The following SPIDR variants were observed in gnomAD, a reference collection of about 807,000 sequenced individuals.
The protein encoded by SPIDR is DNA repair-scaffolding protein.
SPIDR carries 93 observed loss-of-function variants against 104.6 expected under a neutral mutation model. The ratio of observed to expected loss-of-function variants is 0.89; its 90% CI spans 0.75 to 1.06. SPIDR has a LOEUF of 1.06. SPIDR is among the 50% of genes least tolerant of loss of function. The pLI is 0.00. For synonymous variants in SPIDR, 431 were observed against 416.9 expected (o/e 1.03, Z -0.41); for missense variants, 1,154 against 1,111.2 (o/e 1.04, Z -0.55).
chr8:47,396,534 A>G lies in SPIDR; in HGVS notation c.684A>G (p.Thr228=), dbSNP rs782601266. ...TGGAGAGACTGATAGATCCAAGGACAAAATCAACAGAGACCATTTTGCATA... is the reference window on the plus strand; with the variant it reads ...TGGAGAGACTGATAGATCCAAGGACGAAATCAACAGAGACCATTTTGCATA... The part of the protein sequence containing the change: ...QIMERLIDPR[T]KSTETILHTP... The change falls in exon 6 of 20, where the codon ACA becomes ACG. Residue 228 remains threonine, a synonymous_variant. Transcript: ENST00000297423. 6.2e-7 allele frequency: 1 copy of G among 1,614,204 alleles called. No individual in the cohort carries two copies. Among genetic ancestry groups the G allele is most frequent in the Non-Finnish European group, 8.5e-7 (1 of 1,180,028 alleles).
rs896421262 is a variant in SPIDR, at chr8:47,466,368, T to A, written c.1097+25826T>A. On this transcript the variant is annotated intron_variant, in intron 8 of 19. Coordinates refer to ENST00000297423, the MANE Select transcript of SPIDR (RefSeq NM_001080394.4). ...AAATTAGAAATCAGGGCTAAGAAAT[T>A]TGATCAAAACCGTACAATTACATGG... Among the ~76,000 whole-genome samples the A allele has an allele frequency of 8.5e-5, 13 of 152,328 alleles. 1 individual carries two copies. In the South Asian group the frequency reaches 2.7e-3, roughly 32 times the overall value.
At chr8:47,627,892 A>G (rs981896656) in intron 10 of SPIDR, among the ~76,000 whole-genome samples, 3 of 152,140 alleles carry the variant, frequency 2.0e-5, no homozygotes, top group African/African-American at 7.2e-5. Flanking sequence ...ATAGCAGCGG[A>G]CCAGCTGGAA....
intron 8 of SPIDR, among the ~76,000 whole-genome samples, chr8:47,552,257 G>C (rs1023274499): frequency 6.6e-6 from 1 of 152,168 alleles, no homozygotes. Flanking sequence ...GTTGATTTTG[G>C]GTGGAGAGTT....
intron 5 of SPIDR, among the ~76,000 whole-genome samples, chr8:47,295,355 G>C (rs2040654619): frequency 6.6e-6 from 1 of 152,002 alleles, no homozygotes; most frequent in African/African-American, 2.4e-5. Flanking sequence ...AAAATACAAT[G>C]CACTATTATT....
At position 47,599,161 on chromosome 8, in the gene SPIDR, G is replaced by A. The variant is rs2061965969; in HGVS notation, c.1509G>A (p.Gly503=). The change falls in exon 10 of 20, where the codon GGG becomes GGA. Residue 503 remains glycine, a synonymous_variant. Transcript: ENST00000297423. ...PSRDSTRGQQ[G]ASSGHTDPAG... is the part of the protein sequence containing the mutation. ...GAGACAGCACCAGGGGTCAGCAGGG[G>A]GCCAGCTCAGGACACACAGACCCAG... 3 of 1,613,692 alleles carry A rather than the reference G, an allele frequency of 1.9e-6. No individual in the cohort carries two copies. The highest frequency in any genetic ancestry group is 2.5e-6 in the Non-Finnish European group (3 of 1,179,914).
chr8:47,447,819 A>G lies in SPIDR; in HGVS notation c.1097+7277A>G, dbSNP rs79979732. On this transcript the variant is annotated intron_variant, in intron 8 of 19. Transcript: ENST00000297423. ...CCCCAATCAGTCAGTAGCAATCACC[A>G]TCAAGGCAAGACCCTCTCTCAGCAA... Among the ~76,000 whole-genome samples the G allele has an allele frequency of 4.8e-3, 724 of 152,304 alleles. 5 individuals are homozygous for G. Among genetic ancestry groups the G allele is most frequent in the African/African-American group, 0.017 (687 of 41,554 alleles).
At chr8:47,524,006 G>A (rs986919916) in intron 8 of SPIDR, among the ~76,000 whole-genome samples, 4 of 152,174 alleles carry the variant, frequency 2.6e-5, no homozygotes, top group African/African-American at 9.7e-5. Context: ...GATACCTGGT[G>A]TGGTAGCTTC....
chr8:47,727,414 T>C (rs10087517), intron 17 of SPIDR, 121 bp downstream of exon 17: 19,001 of 821,434 alleles, frequency 0.023, 943 homozygotes, highest in African/African-American at 0.15. Flanking sequence ...GGGCAACCTC[T>C]GCCTCTGCTG....
At chr8:47,594,366 CA>C (rs1166162073) in intron 8 of SPIDR, among the ~76,000 whole-genome samples, 1 of 150,988 alleles carries the variant, frequency 6.6e-6, no homozygotes, top group Non-Finnish European at 1.5e-5. Flanking sequence ...GACTCCATCT[CA>C]AAAAAAAGAA....
At position 47,658,679 on chromosome 8, in the gene SPIDR, A is replaced by C. The variant is rs1316985146; in HGVS notation, c.1545-15122A>C. 3.9e-5 allele frequency among the ~76,000 whole-genome samples: 6 copies of C among 151,998 alleles called. 1 individual carries two copies. Among genetic ancestry groups the C allele is most frequent in the Admixed American group, 1.3e-4 (2 of 15,260 alleles). On this transcript the variant is annotated intron_variant, in intron 10 of 19. Coordinates refer to ENST00000297423, the MANE Select transcript of SPIDR (RefSeq NM_001080394.4). ...GCCAGACTTGGTGGCTCACGCCTGT[A>C]ATCCCAGCACTTTGGGAGGTCGAGG...
chr8:47,369,662 T>G (rs1587811623), intron 5 of SPIDR, among the ~76,000 whole-genome samples: 1 of 152,312 alleles, frequency 6.6e-6, no homozygotes. Context: ...GCCCAAATGT[T>G]TCTTGGTTGC....
rs369300463 is a variant in SPIDR at position 47,690,272 on chromosome 8, TG to T, written c.1686-10123del. On this transcript the variant is annotated intron_variant, in intron 11 of 19. Coordinates refer to ENST00000297423, the MANE Select transcript of SPIDR (RefSeq NM_001080394.4). The stretch of plus-strand genomic sequence containing the variant: ...TTTCCTGTGAAGTTGAGAGAGTGTG[TG>T]GGGGGGGTGAGGGGTGCGCGTGCAC... Among the ~76,000 whole-genome samples the T allele has an allele frequency of 8.1e-3, 1,202 of 148,282 alleles. 9 individuals are homozygous for T. The highest frequency in any genetic ancestry group is 0.017 in the African/African-American group (658 of 39,610).
intron 5 of SPIDR, among the ~76,000 whole-genome samples, chr8:47,303,309 G>A (rs1793326909): frequency 6.6e-6 from 1 of 152,224 alleles, no homozygotes; most frequent in Admixed American, 6.5e-5. Flanking sequence ...CAGTATTAGG[G>A]TTGGAGTGAC....
At chr8:47,678,532 G>A (rs990145725) in intron 11 of SPIDR, among the ~76,000 whole-genome samples, 1 of 152,216 alleles carries the variant, frequency 6.6e-6, no homozygotes, top group African/African-American at 2.4e-5. Flanking sequence ...CAGAAGGATA[G>A]CTGGTGATGC....
intron 12 of SPIDR, among the ~76,000 whole-genome samples, chr8:47,701,112 G>C (rs11998024): frequency 0.02 from 3,059 of 152,282 alleles, 98 homozygotes; most frequent in African/African-American, 0.069. Context: ...GTAGTGCTAA[G>C]TCTGTGACCC....
At chr8:47,464,757 T>C (rs1554715982) in intron 8 of SPIDR, among the ~76,000 whole-genome samples, 1 of 151,990 alleles carries the variant, frequency 6.6e-6, no homozygotes, top group African/African-American at 2.4e-5. Context: ...TCATTTTTCT[T>C]TTGTTTTTTT....
rs528185730 is a variant in SPIDR at position 47,342,078 on chromosome 8, TAAAG to T, written c.525+48051_525+48054del. ...GAAATTGTGTATTTAAGGAAACTGT[TAAAG>T]AAGTCTAACTATTTGTACTAAGATT... On this transcript the variant is annotated intron_variant, in intron 5 of 19. Transcript: ENST00000297423. Among the ~76,000 whole-genome samples the T allele has an allele frequency of 7.9e-5, 12 of 152,306 alleles. No homozygotes were observed. The South Asian group carries it at 2.1e-3, about 26-fold the overall frequency.
chr8:47,605,291 A>G (rs918143366), intron 10 of SPIDR, among the ~76,000 whole-genome samples: 7 of 152,186 alleles, frequency 4.6e-5, no homozygotes, highest in African/African-American at 1.7e-4. Flanking sequence ...TAAAGTGAGC[A>G]CTGAAAATCT....
rs372590648 is a variant in SPIDR at position 47,684,460 on chromosome 8, T to G, written c.1685+10519T>G. Among the ~76,000 whole-genome samples the G allele has an allele frequency of 3.8e-3, 572 of 152,302 alleles. 9 individuals carry two copies. The highest frequency in any genetic ancestry group is 0.013 in the African/African-American group (541 of 41,574). The stretch of plus-strand genomic sequence containing the variant: ...CTGATTCACAGCTCTGGCTTTAGAA[T>G]CCATATGTCTTGGTTAATACATTGG... On this transcript the variant is annotated intron_variant, in intron 11 of 19. Transcript: ENST00000297423.
Sources: gnomAD v4.1 joint callset for allele counts (sites outside exome capture counted in the v4.1 genomes callset) on GRCh38, gnomAD v4.1.1 for gene constraint, MANE v1.5 for transcripts, NCBI Gene and HGNC (gene_info 2026-07-23, HGNC 2026-07-21) for gene names.